Variants in PCNX2 observed in about 807,000 individuals in gnomAD.
PCNX2 encodes pecanex 2, also known as pecanex-like protein 2.
In PCNX2, 168 loss-of-function variants were observed where a neutral mutation model predicts 223.8. The ratio of observed to expected loss-of-function variants is 0.75; its 90% CI spans 0.66 to 0.85. The LOEUF (loss-of-function observed/expected upper bound fraction) is 0.85. Among genes scored for constraint, PCNX2 ranks in the 40% least tolerant of loss-of-function variants. PCNX2 has a pLI of 0.00. For missense variants in PCNX2, 2,507 were observed against 2,675.5 expected, an observed-to-expected ratio of 0.94 and a Z score of 1.39; for synonymous variants, 1,006 against 1,052.6, an observed-to-expected ratio of 0.96 and a Z score of 0.86.
At chr1:233,019,066 A>T in intron 26 of PCNX2, 1 of 985,214 alleles carries the variant, frequency 1.0e-6, no homozygotes, top group Non-Finnish European at 1.2e-6. Flanking sequence ...CCTCAAGTTT[A>T]CTTGGGTATC....
intron 28 of PCNX2, among the ~76,000 whole-genome samples, chr1:233,006,476 C>A (rs951030347): frequency 2.0e-5 from 3 of 152,154 alleles, no homozygotes; most frequent in Non-Finnish European, 4.4e-5. Flanking sequence ...CCCAGGACAG[C>A]CCCCACCACA....
chr1:233,109,328 C>T (rs80244561), intron 21 of PCNX2, among the ~76,000 whole-genome samples: 2,552 of 152,182 alleles, frequency 0.017, 29 homozygotes, highest in East Asian at 0.043. Context: ...AAGATAAAGC[C>T]GTAATCAAAG....
rs144847570 is a variant in PCNX2 at position 233,263,152 on chromosome 1, T to C, written c.165A>G (p.Pro55=). The C allele has an allele frequency of 5.8e-5, 94 of 1,607,612 alleles. No homozygotes were observed. The East Asian group carries it at 2.1e-3, about 36-fold the overall frequency. ...AGTAGAAAAATACAATGATCGCATT[T>C]GGAGGAAAAGCCTGAAGAAAGGAAA... ...LPLALHLAFP[P]NAIIVFFYCS... is the part of the protein sequence containing the mutation. The change falls in exon 2 of 34, where the codon CCA becomes CCG. Residue 55 remains proline (P), a synonymous_variant. Coordinates refer to ENST00000258229, the MANE Select transcript of PCNX2 (RefSeq NM_014801.4).
chr1:233,183,803 C>T (rs893071537), intron 15 of PCNX2, among the ~76,000 whole-genome samples: 1 of 152,148 alleles, frequency 6.6e-6, no homozygotes, highest in East Asian at 1.9e-4. Context: ...AGGGGCTACA[C>T]AGCAGGAAGC....
intron 17 of PCNX2, among the ~76,000 whole-genome samples, chr1:233,163,968 T>C (rs1364013562): frequency 6.6e-6 from 1 of 152,168 alleles, no homozygotes; most frequent in Non-Finnish European, 1.5e-5. Context: ...TTGTTCCCAG[T>C]TTTTGGCTAT....
chr1:233,303,279 C>T, the PCNX2 span, among the ~76,000 whole-genome samples: 2 of 152,032 alleles, frequency 1.3e-5, no homozygotes. Flanking sequence ...TTTGGGAGGC[C>T]GAGGCAGGCA....
intron 13 of PCNX2, among the ~76,000 whole-genome samples, chr1:233,203,880 C>T (rs1023806093): frequency 3.9e-5 from 6 of 152,194 alleles, no homozygotes; most frequent in African/African-American, 1.2e-4. Context: ...CTAGGAAATA[C>T]TCCATGCTCC....
intron 32 of PCNX2, among the ~76,000 whole-genome samples, chr1:232,988,108 T>C (rs1213774788): frequency 6.6e-6 from 1 of 152,212 alleles, no homozygotes; most frequent in African/African-American, 2.4e-5. Flanking sequence ...AAAGGGACCC[T>C]GATGAATCAG....
chr1:233,069,326 T>C (rs568774735), intron 23 of PCNX2, among the ~76,000 whole-genome samples: 2 of 152,100 alleles, frequency 1.3e-5, no homozygotes, highest in Non-Finnish European at 2.9e-5. Context: ...AACGATAATA[T>C]AGAAGAACTC....
At chr1:233,247,186 T>C (rs1315268612) in intron 8 of PCNX2, among the ~76,000 whole-genome samples, 1 of 152,226 alleles carries the variant, frequency 6.6e-6, no homozygotes, top group Non-Finnish European at 1.5e-5. Context: ...TAACTGCTTT[T>C]CCAGAGCTGC....
At chr1:233,321,957 G>T in the PCNX2 span, among the ~76,000 whole-genome samples, 16 of 152,080 alleles carry the variant, frequency 1.1e-4, no homozygotes, top group African/African-American at 3.9e-4. Flanking sequence ...AGATCTCAGG[G>T]GTCTCTCAGG....
At position 233,199,007 on chromosome 1, in the gene PCNX2, C is replaced by G. The variant is rs202128712; in HGVS notation, c.2998G>C (p.Val1000Leu). The change falls in exon 15 of 34, where the codon GTT (valine) becomes CTT (leucine). Residue 1000 changes from valine to leucine, a missense_variant. Coordinates refer to ENST00000258229, the MANE Select transcript of PCNX2 (RefSeq NM_014801.4). Reference protein sequence around the residue: ...GSAVSGITSAVYSVARSVLAA... With the variant: ...GSAVSGITSALYSVARSVLAA... ...AAGACGCTCCGGGCCACACTGTAAA[C>G]AGCCGAGGTTATCCCAGACACAGCT... 2 of 1,600,878 alleles carry G rather than the reference C, an allele frequency of 1.2e-6. No homozygotes were observed. The highest frequency in any genetic ancestry group is 1.3e-5 in the African/African-American group (1 of 74,766).
chr1:233,037,266 G>A (rs1002135147), intron 25 of PCNX2, among the ~76,000 whole-genome samples: 2 of 152,082 alleles, frequency 1.3e-5, no homozygotes, highest in Non-Finnish European at 2.9e-5. Context: ...TTACCTTAGT[G>A]GCAACTTCTC....
At chr1:233,060,117 T>C (rs1210223090) in intron 23 of PCNX2, among the ~76,000 whole-genome samples, 1 of 152,256 alleles carries the variant, frequency 6.6e-6, no homozygotes, top group Non-Finnish European at 1.5e-5. Flanking sequence ...TGAACCCAAG[T>C]ATGCTGTTCT....
chr1:233,081,868 C>A (rs543691555), intron 23 of PCNX2, among the ~76,000 whole-genome samples: 1 of 152,150 alleles, frequency 6.6e-6, no homozygotes, highest in Non-Finnish European at 1.5e-5. Context: ...GCAAATGCCT[C>A]GGGGCTCTGA....
intron 15 of PCNX2, among the ~76,000 whole-genome samples, chr1:233,184,495 C>A (rs1457319866): frequency 6.6e-6 from 1 of 152,088 alleles, no homozygotes; most frequent in Non-Finnish European, 1.5e-5. Flanking sequence ...AAATTAAGTC[C>A]AGGCTCCAAA....
intron 17 of PCNX2, chr1:233,167,558 G>T: frequency 4.2e-6 from 1 of 236,904 alleles, no homozygotes; most frequent in Non-Finnish European, 6.9e-6. Context: ...GATTTTAGCT[G>T]CTTTTGCCAC....
At chr1:233,116,869 A>C (rs1675443236) in intron 21 of PCNX2, among the ~76,000 whole-genome samples, 1 of 152,124 alleles carries the variant, frequency 6.6e-6, no homozygotes, top group African/African-American at 2.4e-5. Flanking sequence ...GCTCTTTGAA[A>C]AGATAAATAA....
At chr1:233,031,312 C>T (rs6657371) in intron 25 of PCNX2, among the ~76,000 whole-genome samples, 22,150 of 152,188 alleles carry the variant, frequency 0.15, 1,926 homozygotes, top group East Asian at 0.28. Context: ...CACTCCCACC[C>T]CTATTCATTA....
Sources: allele counts gnomAD v4.1 joint callset (sites outside exome capture counted in the v4.1 genomes callset), GRCh38; gene constraint gnomAD v4.1.1; transcripts MANE v1.5; gene names NCBI Gene and HGNC (gene_info 2026-07-23, HGNC 2026-07-21).